The following GALNTL6 variants were observed in gnomAD, a reference collection of about 807,000 sequenced individuals.
The protein encoded by GALNTL6 is polypeptide N-acetylgalactosaminyltransferase like 6.
In GALNTL6, 46 loss-of-function variants were observed where a neutral mutation model predicts 73.7. That is an observed-to-expected ratio of 0.62 (90% CI 0.49 to 0.80). The LOEUF (loss-of-function observed/expected upper bound fraction) is 0.80. GALNTL6 is among the 30% of genes least tolerant of loss of function. The probability of loss-of-function intolerance (pLI) is 0.00; values close to 1 mark genes in which losing one functional copy is unlikely to be tolerated. For missense variants in GALNTL6, 604 were observed against 755.0 expected, an observed-to-expected ratio of 0.80 and a Z score of 2.34; for synonymous variants, 259 against 263.7, an observed-to-expected ratio of 0.98 and a Z score of 0.17.
At chr4:172,953,696 GGAAA>G (rs1317458074) in intron 10 of GALNTL6, among the ~76,000 whole-genome samples, 1 of 152,232 alleles carries the variant, frequency 6.6e-6, no homozygotes, top group African/African-American at 2.4e-5. Context: ...CCAGGATGAA[GGAAA>G]GAGTCAATCC....
chr4:172,250,744 GTCTCAGGTATTTCC>G (rs1328805061), intron 3 of GALNTL6, among the ~76,000 whole-genome samples: 1 of 152,104 alleles, frequency 6.6e-6, no homozygotes, highest in Non-Finnish European at 1.5e-5. Context: ...AAATTACCCA[GTCTCAGGTATTTCC>G]TCATAGTAGC....
chr4:172,311,013 G>C (rs1740337964), intron 3 of GALNTL6, among the ~76,000 whole-genome samples: 1 of 151,960 alleles, frequency 6.6e-6, no homozygotes, highest in African/African-American at 2.4e-5. Context: ...ATCAAGAAAT[G>C]TCAAATTAAA....
intron 5 of GALNTL6, among the ~76,000 whole-genome samples, chr4:172,521,923 G>A (rs1299094794): frequency 1.3e-5 from 2 of 152,164 alleles, no homozygotes; most frequent in Non-Finnish European, 2.9e-5. Context: ...CTAGAAGGAT[G>A]ATTATATTGT....
chr4:173,029,739 C>G (rs1018919873), intron 12 of GALNTL6, among the ~76,000 whole-genome samples: 1 of 152,174 alleles, frequency 6.6e-6, no homozygotes, highest in Non-Finnish European at 1.5e-5. Flanking sequence ...TATATCTGTA[C>G]AGGTCATCTT....
intron 2 of GALNTL6, among the ~76,000 whole-genome samples, chr4:171,904,051 G>A (rs1737194017): frequency 6.6e-6 from 1 of 152,150 alleles, no homozygotes; most frequent in Non-Finnish European, 1.5e-5. Flanking sequence ...GGAAAAAACA[G>A]AGCAGAAAAA....
chr4:172,795,544 T>C (rs1269736427), intron 5 of GALNTL6, among the ~76,000 whole-genome samples: 1 of 152,174 alleles, frequency 6.6e-6, no homozygotes, highest in African/African-American at 2.4e-5. Flanking sequence ...AAATAATTTA[T>C]TTTTAATTTT....
At chr4:172,546,820 G>GTATATATATGTGTATATATATATA in intron 5 of GALNTL6, among the ~76,000 whole-genome samples, 7 of 49,048 alleles carry the variant, frequency 1.4e-4, no homozygotes, top group South Asian at 8.5e-4. Flanking sequence ...ATATATATAC[G>GTATATATATGTGTATATATATATA]TATATGTATA....
chr4:172,965,312 C>T (rs77107236), intron 10 of GALNTL6, among the ~76,000 whole-genome samples: 5,859 of 152,258 alleles, frequency 0.038, 248 homozygotes, highest in African/African-American at 0.1. Context: ...TTTGTCCAGG[C>T]GCAGTGGCTC....
In GALNTL6 at chr4:171,925,294, G is replaced by A. The variant is rs371566305; in HGVS notation, c.138+110576G>A. 7.9e-5 allele frequency among the ~76,000 whole-genome samples: 12 copies of A among 152,166 alleles called. No homozygotes were observed. In the East Asian group the frequency reaches 1.2e-3, roughly 15 times the overall value. On this transcript the variant is annotated intron_variant, in intron 2 of 12. Coordinates refer to ENST00000506823, the MANE Select transcript of GALNTL6 (RefSeq NM_001034845.3). ...GATATGCTTTTTAGGTAGAAATTCC[G>A]ATTAAAATATGAAAAGGGATTCTTT...
At chr4:172,526,435 C>T (rs530064070) in intron 5 of GALNTL6, among the ~76,000 whole-genome samples, 9 of 152,256 alleles carry the variant, frequency 5.9e-5, no homozygotes, top group African/African-American at 1.4e-4. Flanking sequence ...GTCACAGATA[C>T]GAGTAGCAGA....
At chr4:172,933,628 C>T (rs1255108017) in intron 9 of GALNTL6, among the ~76,000 whole-genome samples, 1 of 151,886 alleles carries the variant, frequency 6.6e-6, no homozygotes, top group African/African-American at 2.4e-5. Flanking sequence ...CTCTGAGAAA[C>T]ATTTTATGGT....
intron 5 of GALNTL6, among the ~76,000 whole-genome samples, chr4:172,606,640 A>AGT (rs1738299595): frequency 4.9e-5 from 2 of 40,816 alleles, no homozygotes; most frequent in Non-Finnish European, 6.0e-5. Context: ...CTATATATAT[A>AGT]CTATATATAT....
In GALNTL6 at chr4:172,402,921, A is replaced by T. The variant is rs543354466; in HGVS notation, c.553+54232A>T. On this transcript the variant is annotated intron_variant, in intron 5 of 12. Transcript: ENST00000506823. ...AGTATTTCAGGTCATTATACTTTATATTGTAGCCCAATTCTCCAGCATTTA... is the reference window on the plus strand; with the variant it reads ...AGTATTTCAGGTCATTATACTTTATTTTGTAGCCCAATTCTCCAGCATTTA... Among the ~76,000 whole-genome samples the T allele has an allele frequency of 1.5e-3, 223 of 152,216 alleles. 1 individual carries two copies. Among genetic ancestry groups the T allele is most frequent in the African/African-American group, 5.1e-3 (213 of 41,574 alleles).
At chr4:172,436,315 C>T (rs1303476081) in intron 5 of GALNTL6, among the ~76,000 whole-genome samples, 1 of 152,022 alleles carries the variant, frequency 6.6e-6, no homozygotes, top group East Asian at 1.9e-4. Flanking sequence ...ATCTTAAGCT[C>T]ATAAGATATG....
At chr4:172,089,939 A>G (rs1249380528) in intron 2 of GALNTL6, among the ~76,000 whole-genome samples, 1 of 152,180 alleles carries the variant, frequency 6.6e-6, no homozygotes, top group Non-Finnish European at 1.5e-5. Flanking sequence ...CTTATGAACG[A>G]GAACATGAGG....
chr4:172,529,845 C>G lies in GALNTL6; in HGVS notation c.553+181156C>G, dbSNP rs535854393. 4.8e-5 allele frequency among the ~76,000 whole-genome samples: 5 copies of G among 104,626 alleles called. No individual in the cohort carries two copies. The South Asian group carries it at 2.0e-3, about 42-fold the overall frequency. 68.6% of individuals were successfully genotyped at this position (104,626 alleles called of 152,430 possible). ...GGATTACAGGCGTGCACCACCACAT[C>G]TGGCTAATTTATTTTTATTTTATTT... On this transcript the variant is annotated intron_variant, in intron 5 of 12. Coordinates refer to ENST00000506823, the MANE Select transcript of GALNTL6 (RefSeq NM_001034845.3).
chr4:172,269,448 G>A (rs574841929), intron 3 of GALNTL6, among the ~76,000 whole-genome samples: 6 of 152,266 alleles, frequency 3.9e-5, no homozygotes, highest in East Asian at 3.9e-4. Context: ...CAGTGACCAC[G>A]GCAAATAGGG....
At chr4:172,933,715 A>G (rs1328416813) in intron 9 of GALNTL6, among the ~76,000 whole-genome samples, 47 of 152,204 alleles carry the variant, frequency 3.1e-4, no homozygotes, top group Admixed American at 3.1e-3. Flanking sequence ...CTACCTCGCT[A>G]CATGCTACAT....
intron 4 of GALNTL6, 68 bp from the exon 5 acceptor site, chr4:172,348,455 T>C: frequency 1.6e-6 from 2 of 1,271,258 alleles, no homozygotes; most frequent in Non-Finnish European, 2.2e-6. Flanking sequence ...ACATAATGAA[T>C]AAACAACAGA....
Sources: allele counts gnomAD v4.1 joint callset (sites outside exome capture counted in the v4.1 genomes callset), GRCh38; gene constraint gnomAD v4.1.1; transcripts MANE v1.5; gene names NCBI Gene and HGNC (gene_info 2026-07-23, HGNC 2026-07-21).